Variants in PTGER3 observed in about 807,000 individuals in gnomAD.
The protein encoded by PTGER3 is prostaglandin E receptor 3, also known as prostaglandin E2 receptor EP3 subtype.
A neutral mutation model predicts 34.7 loss-of-function variants in PTGER3; 22 were observed. The ratio of observed to expected loss-of-function variants is 0.63; its 90% CI spans 0.45 to 0.91. The LOEUF (loss-of-function observed/expected upper bound fraction) is 0.91, where lower values mean the gene tolerates loss of function less well. PTGER3 is among the 40% of genes least tolerant of loss of function. The pLI is 0.00. For missense variants in PTGER3, 468 were observed against 519.4 expected (o/e 0.90, Z 0.96); for synonymous variants, 241 against 230.1 (o/e 1.05, Z -0.43).
At chr1:71,030,336 G>T (rs1042358530) in intron 1 of PTGER3, among the ~76,000 whole-genome samples, 1 of 152,150 alleles carries the variant, frequency 6.6e-6, no homozygotes, top group African/African-American at 2.4e-5. Context: ...GAAAAAAGAT[G>T]AAAGCAGGTT....
intron 4 of PTGER3, among the ~76,000 whole-genome samples, chr1:70,922,437 C>T (rs925258877): frequency 6.6e-6 from 1 of 152,138 alleles, no homozygotes; most frequent in African/African-American, 2.4e-5. Flanking sequence ...CTAAATGCTT[C>T]ATAAAATGCC....
intron 4 of PTGER3, among the ~76,000 whole-genome samples, chr1:70,927,804 G>T (rs1250666976): frequency 2.6e-5 from 4 of 152,068 alleles, no homozygotes; most frequent in African/African-American, 9.7e-5. Flanking sequence ...GGCCAATGAT[G>T]TTATCTGTCT....
At chr1:70,855,450 A>T (rs1263495605) in intron 4 of PTGER3, among the ~76,000 whole-genome samples, 1 of 152,190 alleles carries the variant, frequency 6.6e-6, no homozygotes, top group Non-Finnish European at 1.5e-5. Context: ...GAAATGGTCA[A>T]GATGCTAATT....
intron 4 of PTGER3, among the ~76,000 whole-genome samples, chr1:70,888,297 T>TAATTGTCTCTTTAATA (rs1557631775): frequency 6.6e-6 from 1 of 152,234 alleles, no homozygotes; most frequent in Non-Finnish European, 1.5e-5. Flanking sequence ...AATAGGCTTC[T>TAATTGTCTCTTTAATA]GGAGACAATT....
At chr1:70,992,505 T>G (rs1466840175) in intron 2 of PTGER3, among the ~76,000 whole-genome samples, 1 of 152,338 alleles carries the variant, frequency 6.6e-6, no homozygotes, top group Non-Finnish European at 1.5e-5. Flanking sequence ...TTACTAAAGA[T>G]AGCGCTCTGT....
At chr1:71,011,439 C>T (rs1021144928) in intron 2 of PTGER3, 1 of 985,222 alleles carries the variant, frequency 1.0e-6, no homozygotes, top group South Asian at 4.7e-5. Flanking sequence ...GTGCTCAAAT[C>T]GGTCCTTACA....
intron 4 of PTGER3, among the ~76,000 whole-genome samples, chr1:70,889,442 T>G (rs6424408): frequency 0.64 from 93,785 of 146,334 alleles, 30,988 homozygotes; most frequent in East Asian, 0.87. Context: ...AAAAGATTGT[T>G]CTCTGTTTTT....
At chr1:70,993,141 C>G (rs1655620590) in intron 2 of PTGER3, among the ~76,000 whole-genome samples, 1 of 152,170 alleles carries the variant, frequency 6.6e-6, no homozygotes, top group African/African-American at 2.4e-5. Context: ...TTATGAACCT[C>G]ACTTCTCTTT....
At chr1:70,993,877 G>T (rs922938765) in intron 2 of PTGER3, among the ~76,000 whole-genome samples, 8 of 152,198 alleles carry the variant, frequency 5.3e-5, no homozygotes, top group African/African-American at 1.7e-4. Context: ...AATGTGAACA[G>T]ATCAAAACCC....
intron 4 of PTGER3, among the ~76,000 whole-genome samples, chr1:70,859,235 A>C (rs1053136001): frequency 6.6e-6 from 1 of 152,262 alleles, no homozygotes; most frequent in Non-Finnish European, 1.5e-5. Context: ...CAAAGAATGA[A>C]TTAAATAATT....
intron 2 of PTGER3, chr1:71,005,954 C>G: frequency 1.7e-6 from 1 of 572,386 alleles, no homozygotes; most frequent in South Asian, 7.6e-5. Context: ...ATAATGTATA[C>G]TGGTCAGATG....
chr1:70,872,714 A>C (rs1536261), intron 4 of PTGER3, among the ~76,000 whole-genome samples: 80,609 of 152,018 alleles, frequency 0.53, 22,541 homozygotes, highest in Non-Finnish European at 0.63. Flanking sequence ...AAATTAACAA[A>C]AATTGTTCTC....
chr1:70,906,662 G>C (rs1232378233), intron 4 of PTGER3, among the ~76,000 whole-genome samples: 1 of 152,132 alleles, frequency 6.6e-6, no homozygotes, highest in Non-Finnish European at 1.5e-5. Context: ...TAATGCTGTT[G>C]TAAGGATTGA....
At chr1:70,877,784 T>A (rs1200484779) in intron 4 of PTGER3, among the ~76,000 whole-genome samples, 1 of 152,198 alleles carries the variant, frequency 6.6e-6, no homozygotes, top group Non-Finnish European at 1.5e-5. Flanking sequence ...TAACCTTGCA[T>A]CCCAGGGATA....
At chr1:70,866,873 C>A (rs990246235) in intron 4 of PTGER3, among the ~76,000 whole-genome samples, 3 of 152,210 alleles carry the variant, frequency 2.0e-5, no homozygotes, top group Non-Finnish European at 4.4e-5. Context: ...TCTGGATCAG[C>A]TTCTCTGCTC....
intron 4 of PTGER3, among the ~76,000 whole-genome samples, chr1:70,923,056 T>A (rs2100452337): frequency 6.6e-6 from 1 of 152,312 alleles, no homozygotes; most frequent in Non-Finnish European, 1.5e-5. Context: ...ATGGTCAAAC[T>A]GATTAAGATT....
chr1:70,966,602 C>T (rs1652544279), downstream of PTGER3, among the ~76,000 whole-genome samples: 1 of 152,022 alleles, frequency 6.6e-6, no homozygotes, highest in Non-Finnish European at 1.5e-5. Context: ...CTCCCCTCAC[C>T]CCCGACCCCC....
In PTGER3 at chr1:70,971,013, T is replaced by A. The variant is rs1653023985; in HGVS notation, c.*717A>T. 1.0e-6 allele frequency: 1 copy of A among 985,370 alleles called. No homozygotes were observed. The highest frequency in any genetic ancestry group is 4.7e-5 in the South Asian group (1 of 21,286). The allele number at this position is 985,370 out of a possible 1,614,324, so 61.0% of individuals were successfully genotyped here. ...GCGCAGCTAATCATTCAACCTCAAA[T>A]TTGTTTTTTATGACACTCCAAGGAT... On this transcript the variant is annotated 3_prime_UTR_variant, in exon 4 of 4. Transcript: ENST00000306666.
downstream of PTGER3, among the ~76,000 whole-genome samples, chr1:70,967,944 T>C (rs1215263247): frequency 1.3e-5 from 2 of 152,214 alleles, no homozygotes; most frequent in African/African-American, 2.4e-5. Flanking sequence ...AGAACTTAGA[T>C]AAATATACCT....
Sources: gnomAD v4.1 joint callset for allele counts (sites outside exome capture counted in the v4.1 genomes callset) on GRCh38, gnomAD v4.1.1 for gene constraint, MANE v1.5 for transcripts, NCBI Gene and HGNC (gene_info 2026-07-23, HGNC 2026-07-21) for gene names.